Variants in KDM5B observed in about 807,000 individuals in gnomAD.
KDM5B encodes lysine-specific demethylase 5B.
A neutral mutation model predicts 193.4 loss-of-function variants in KDM5B; 144 were observed. The ratio of observed to expected loss-of-function variants is 0.74; its 90% CI spans 0.65 to 0.86. KDM5B has a LOEUF of 0.86. Ranked by LOEUF, KDM5B falls within the 40% of genes least tolerant of loss-of-function variation. KDM5B has a pLI of 0.00. For synonymous variants in KDM5B, 668 were observed against 682.6 expected, an observed-to-expected ratio of 0.98 and a Z score of 0.33; for missense variants, 1,833 against 1,886.9, an observed-to-expected ratio of 0.97 and a Z score of 0.53.
Position 202,767,013 on chromosome 1 carries a change from G to A in KDM5B, c.624C>T (p.Tyr208=), listed in dbSNP as rs769377566. Residue 208 remains tyrosine, a synonymous_variant, in exon 5 of 27, where the codon TAC becomes TAT. Transcript: ENST00000367265. ...GCCTCTGGGGAATATCATGGGGTTT[G>A]TACTCCTTGTCCTTAGTGTCTGTGG... ...NLTTDTKDKE[Y]KPHDIPQRQS... 3.7e-6 allele frequency: 6 copies of A among 1,606,594 alleles called. No individual in the cohort carries two copies. The highest frequency in any genetic ancestry group is 4.2e-6 in the Non-Finnish European group (5 of 1,178,290).
At chr1:202,734,945 A>G (rs2102218847) in intron 22 of KDM5B, among the ~76,000 whole-genome samples, 1 of 152,350 alleles carries the variant, frequency 6.6e-6, no homozygotes, top group East Asian at 1.9e-4. Flanking sequence ...TAAGGTGCTT[A>G]ATGTGTAACA....
At chr1:202,758,640 T>TA (rs1436220769) in intron 8 of KDM5B, 130 bp from the exon 9 acceptor site, 2 of 624,570 alleles carry the variant, frequency 3.2e-6, no homozygotes, top group Non-Finnish European at 2.4e-6. Flanking sequence ...GTCTACATTA[T>TA]AAAAATAAAC....
intron 21 of KDM5B, among the ~76,000 whole-genome samples, chr1:202,735,937 C>T (rs1206053185): frequency 1.3e-5 from 2 of 152,080 alleles, no homozygotes; most frequent in East Asian, 1.9e-4. Context: ...TTCAGGTGGG[C>T]GAAGCACGGC....
chr1:202,746,303 T>C lies in KDM5B; in HGVS notation c.2037A>G (p.Arg679=), dbSNP rs768168339. 1.2e-6 allele frequency: 2 copies of C among 1,609,262 alleles called. No individual in the cohort carries two copies. The highest frequency in any genetic ancestry group is 8.5e-7 in the Non-Finnish European group (1 of 1,177,866). Residue 679 remains arginine (R), a synonymous_variant, in exon 15 of 27, where the codon AGA becomes AGG. Coordinates refer to ENST00000367265, the MANE Select transcript of KDM5B (RefSeq NM_006618.5). ...VRKLGVIDSE[R]MDFELLPDDE... ...CATCTGGCAACAGCTCAAAATCCAT[T>C]CTTTCCGAATCAATCACTCCCTAGA...
At chr1:202,757,178 T>A (rs1656052766) in intron 9 of KDM5B, among the ~76,000 whole-genome samples, 1 of 152,284 alleles carries the variant, frequency 6.6e-6, no homozygotes. Flanking sequence ...TGCCCTCCTA[T>A]GAGACTCTAA....
rs1572697925 is a variant in KDM5B at position 202,725,053 on chromosome 1, C to T, written c.*3983G>A. ...GGTCAAATGACCTCACCATTCCATT[C>T]CTCTACTGCAATGCAGCCGGTTATC... On this transcript the variant is annotated 3_prime_UTR_variant, in exon 27 of 27. Transcript: ENST00000367265. 6.6e-6 allele frequency: 1 copy of T among 152,226 alleles called. No homozygotes were observed. Among genetic ancestry groups the T allele is most frequent in the Non-Finnish European group, 1.5e-5 (1 of 68,048 alleles). 9.4% of individuals were successfully genotyped at this position (152,226 alleles called of 1,614,324 possible). A position where few individuals can be genotyped will look rare whatever the true frequency, so the allele number is the denominator to read the frequency against.
At chr1:202,732,723 A>G (rs1654933901) in intron 23 of KDM5B, among the ~76,000 whole-genome samples, 2 of 152,066 alleles carry the variant, frequency 1.3e-5, no homozygotes, top group Admixed American at 1.3e-4. Context: ...TCTGGTACAG[A>G]GATGTTTACC....
In KDM5B at chr1:202,758,406, G is replaced by C. The variant is rs1656104693; in HGVS notation, c.1182C>G (p.Phe394Leu). Residue 394 changes from phenylalanine to leucine, a missense_variant, in exon 9 of 27, where the codon TTC (phenylalanine) becomes TTG (leucine). This residue lies in a region of KDM5B where 99 missense variants were observed against 162.4 expected (regional missense o/e 0.61). Transcript: ENST00000367265. ...EMADAFKSDY[F>L]NMPVHMVPTE... ...ATGTACATACATGGACTGGCATGTT[G>C]AAGTAATCAGATTTGAACGCATCTG... The C allele has an allele frequency of 6.2e-7, 1 of 1,611,594 alleles. No homozygotes were observed. The highest frequency in any genetic ancestry group is 8.5e-7 in the Non-Finnish European group (1 of 1,178,332).
intron 1 of KDM5B, among the ~76,000 whole-genome samples, chr1:202,785,193 A>T (rs1416958850): frequency 1.3e-5 from 2 of 152,218 alleles, no homozygotes; most frequent in African/African-American, 2.4e-5. Context: ...TTCAAGGAGC[A>T]TCTGACCTCT....
At chr1:202,762,297 C>T (rs1197188109) in intron 7 of KDM5B, among the ~76,000 whole-genome samples, 1 of 152,058 alleles carries the variant, frequency 6.6e-6, no homozygotes, top group African/African-American at 2.4e-5. Flanking sequence ...TCATTTCCTT[C>T]CTTCCCTTTG....
chr1:202,758,569 A>T, intron 8 of KDM5B, 59 bp from the exon 9 acceptor site: 1 of 1,396,206 alleles, frequency 7.2e-7, no homozygotes, highest in East Asian at 2.4e-5. Flanking sequence ...ATACTTGGTC[A>T]ATCATCAAGC....
In KDM5B at chr1:202,727,221, T is replaced by C. The variant is rs142143558; in HGVS notation, c.*1815A>G. ...CAATGGAAGGTGAGGACTGGGACAG[T>C]TGGCATCCTATCTCAAAGTCGGGGG... is the stretch of plus-strand genomic sequence containing the variant. On this transcript the variant is annotated 3_prime_UTR_variant, in exon 27 of 27. Coordinates refer to ENST00000367265, the MANE Select transcript of KDM5B (RefSeq NM_006618.5). The C allele has an allele frequency of 5.3e-5, 8 of 152,190 alleles. No individual in the cohort carries two copies. The highest frequency in any genetic ancestry group is 1.7e-4 in the African/African-American group (7 of 41,438). The allele number at this position is 152,190 out of a possible 1,614,324, so 9.4% of individuals were successfully genotyped here. A position where few individuals can be genotyped will look rare whatever the true frequency, so the allele number is the denominator to read the frequency against.
intron 11 of KDM5B, among the ~76,000 whole-genome samples, chr1:202,754,767 C>T (rs986942304): frequency 6.6e-6 from 1 of 152,220 alleles, no homozygotes; most frequent in African/African-American, 2.4e-5. Flanking sequence ...TCACTGCAAC[C>T]TCTGCCTCCC....
chr1:202,742,678 CA>C lies in KDM5B; in HGVS notation c.2450del (p.Leu817CysfsTer21). 1 of 1,614,122 alleles carries C rather than the reference CA, an allele frequency of 6.2e-7. No individual in the cohort carries two copies. Among genetic ancestry groups the C allele is most frequent in the Non-Finnish European group, 8.5e-7 (1 of 1,180,008 alleles). ...AEKCASVAQQ[L>X]LNGKRQTRYR... ...ACCTAGTTTGCCTTTTGCCATTAAG[CA>C]ACTGCTGCGCAACAGAGGCACACTT... On this transcript the variant is annotated frameshift_variant, in exon 17 of 27. Transcript: ENST00000367265. LOFTEE classifies it high-confidence loss of function.
intron 9 of KDM5B, 83 bp downstream of exon 9, chr1:202,758,308 C>T (rs1656100741): frequency 8.7e-7 from 1 of 1,150,250 alleles, no homozygotes. Context: ...TAGAGTGAGG[C>T]CTCAACTAAA....
At chr1:202,777,364 A>C (rs1275999158) in intron 1 of KDM5B, among the ~76,000 whole-genome samples, 1 of 152,068 alleles carries the variant, frequency 6.6e-6, no homozygotes, top group East Asian at 1.9e-4. Flanking sequence ...AAAAAAAAAA[A>C]AAAAAAACAC....
At chr1:202,761,000 C>T (rs1183593431) in intron 7 of KDM5B, among the ~76,000 whole-genome samples, 1 of 151,204 alleles carries the variant, frequency 6.6e-6, no homozygotes, top group Non-Finnish European at 1.5e-5. Context: ...TGCGCTCTAG[C>T]CTGGGTGACA....
At chr1:202,732,165 C>G in intron 23 of KDM5B, 1 of 480,820 alleles carries the variant, frequency 2.1e-6, no homozygotes, top group Non-Finnish European at 3.7e-6. Flanking sequence ...TTTACTTGGA[C>G]TGATTTCAGA....
intron 4 of KDM5B, among the ~76,000 whole-genome samples, chr1:202,771,754 G>A (rs960414981): frequency 9.9e-5 from 15 of 151,642 alleles, no homozygotes; most frequent in African/African-American, 2.9e-4. Flanking sequence ...GCTAATTTAC[G>A]TATTTTTAGT....
Sources: allele counts gnomAD v4.1 joint callset (sites outside exome capture counted in the v4.1 genomes callset), GRCh38; gene constraint gnomAD v4.1.1; regional missense constraint gnomAD v4.1.1; transcripts MANE v1.5; gene names NCBI Gene and HGNC (gene_info 2026-07-23, HGNC 2026-07-21).